FAM174B: variants seen among roughly 807,000 people sequenced by gnomAD.
FAM174B encodes membrane protein FAM174B.
Under a neutral mutation model 10.9 loss-of-function variants are expected in FAM174B, and 12 were observed. The ratio of observed to expected loss-of-function variants is 1.10; its 90% confidence interval spans 0.71 to 1.79. FAM174B has a LOEUF of 1.79. Ranked by LOEUF, FAM174B falls within the 40% of genes most tolerant of loss-of-function variation. FAM174B has a pLI of 0.00. For synonymous variants in FAM174B, 132 were observed against 115.8 expected (o/e 1.14, Z -0.90); for missense variants, 266 against 233.3 (o/e 1.14, Z -0.91).
chr15:92,646,476 C>A (rs1355010084), intron 1 of FAM174B, among the ~76,000 whole-genome samples: 2 of 152,190 alleles, frequency 1.3e-5, no homozygotes, highest in African/African-American at 2.4e-5. Context: ...AGCCCCCCAA[C>A]CATCTGAATG....
At position 92,655,629 on chromosome 15, in the gene FAM174B, G is replaced by A; in HGVS notation, c.31C>T (p.Leu11=). ...AGGAGCGCGAGCAGCAGCAGCGGCA[G>A]GAGCGGGGCGGGCAGCGGCACGGCG... MRAVPLPAPL[L]PLLLLALLAA... The change falls in exon 1 of 3, where the codon CTG becomes TTG. Residue 11 remains leucine, a synonymous_variant. Coordinates refer to ENST00000327355, the MANE Select transcript of FAM174B (RefSeq NM_207446.3). 7.9e-7 allele frequency: 1 copy of A among 1,259,872 alleles called. No individual in the cohort carries two copies. Among genetic ancestry groups the A allele is most frequent in the Non-Finnish European group, 9.9e-7 (1 of 1,007,324 alleles). 78.0% of individuals were successfully genotyped at this position (1,259,872 alleles called of 1,614,324 possible).
chr15:92,636,621 C>T (rs1016891996), intron 1 of FAM174B, among the ~76,000 whole-genome samples: 43 of 147,180 alleles, frequency 2.9e-4, no homozygotes, highest in Non-Finnish European at 6.0e-4. Context: ...AAATGTGCCG[C>T]GGAGATAGGC....
chr15:92,655,605 G>A lies in FAM174B; in HGVS notation c.55C>T (p.Leu19=). The change falls in exon 1 of 3, where the codon CTG becomes TTG. Residue 19 remains leucine, a synonymous_variant. Transcript: ENST00000327355. ...CTGGCGCGGGCGGCGGGAGCGGCCA[G>A]GAGCGCGAGCAGCAGCAGCGGCAGG... The part of the protein sequence containing the change: ...PLLPLLLLAL[L]AAPAARASRA... The A allele has an allele frequency of 7.8e-7, 1 of 1,279,626 alleles. No homozygotes were observed. The allele number at this position is 1,279,626 out of a possible 1,614,324, so 79.3% of individuals were successfully genotyped here. A position where few individuals can be genotyped will look rare whatever the true frequency, so the allele number is the denominator to read the frequency against.
Position 92,617,851 on chromosome 15 carries a change from G to A in FAM174B, c.*1605C>T, listed in dbSNP as rs2050689524. The A allele has an allele frequency of 1.0e-5, 5 of 476,302 alleles. No homozygotes were observed. Among genetic ancestry groups the A allele is most frequent in the South Asian group, 7.4e-5 (2 of 26,978 alleles). The allele number at this position is 476,302 out of a possible 1,614,324, so 29.5% of individuals were successfully genotyped here. ...CAACAAAGAAGGTGAAATGCAGGGA[G>A]CAGAGACTACACGCAGGCCCCCCGT... is the stretch of plus-strand genomic sequence containing the variant. On this transcript the variant is annotated 3_prime_UTR_variant, in exon 3 of 3. Transcript: ENST00000327355.
At chr15:92,652,813 G>A (rs2141966764) in intron 1 of FAM174B, among the ~76,000 whole-genome samples, 1 of 152,250 alleles carries the variant, frequency 6.6e-6, no homozygotes, top group South Asian at 2.1e-4. Context: ...TGCAGAGGGA[G>A]AAAGGAAGGA....
chr15:92,646,690 C>T (rs2050930214), intron 1 of FAM174B, among the ~76,000 whole-genome samples: 1 of 152,244 alleles, frequency 6.6e-6, no homozygotes, highest in Admixed American at 6.5e-5. Context: ...AAGCCTGCCA[C>T]CTGGAGGCTT....
chr15:92,630,113 T>C (rs2050780894), intron 2 of FAM174B, 101 bp downstream of exon 2: 2 of 1,258,076 alleles, frequency 1.6e-6, no homozygotes, highest in South Asian at 2.7e-5. Context: ...GACCCAACAC[T>C]TCACTAAAAA....
rs553142684 is a variant in FAM174B, at chr15:92,630,257, C to A, written c.433G>T (p.Asp145Tyr). 1 of 1,613,626 alleles carries A rather than the reference C, an allele frequency of 6.2e-7. No homozygotes were observed. The highest frequency in any genetic ancestry group is 1.1e-5 in the South Asian group (1 of 91,058). ...ACTGTGGAGTCCTCATCTTCATCAT[C>A]CTCTTCATTTAGTGGCGCCATTTCC... is the stretch of plus-strand genomic sequence containing the variant. ...RVEMAPLNEE[D>Y]DEDEDSTVFD... The change falls in exon 2 of 3, where the codon GAT becomes TAT. Residue 145 changes from aspartate to tyrosine, a missense_variant. Physicochemically the swap from Asp to Tyr is radical, Grantham distance 160. Transcript: ENST00000327355.
chr15:92,620,209 G>C (rs544196599), intron 2 of FAM174B, among the ~76,000 whole-genome samples: 2 of 152,312 alleles, frequency 1.3e-5, no homozygotes, highest in South Asian at 4.1e-4. Context: ...GAAAACATAA[G>C]AAGTACAAGA....
chr15:92,635,070 T>C (rs2050844563), intron 1 of FAM174B, among the ~76,000 whole-genome samples: 1 of 151,782 alleles, frequency 6.6e-6, no homozygotes, highest in African/African-American at 2.4e-5. Flanking sequence ...GCCTCCATAA[T>C]CACATCAGCT....
At chr15:92,634,632 C>T (rs2050841358) in intron 1 of FAM174B, 1 of 152,154 alleles carries the variant, frequency 6.6e-6, no homozygotes, top group Admixed American at 6.5e-5. Flanking sequence ...CAAGCAACCC[C>T]AGGAAATAAA....
chr15:92,643,745 C>T (rs1271237114), intron 1 of FAM174B, among the ~76,000 whole-genome samples: 1 of 152,144 alleles, frequency 6.6e-6, no homozygotes, highest in Non-Finnish European at 1.5e-5. Context: ...TCAAACCTTT[C>T]CTCCACCTGG....
intron 1 of FAM174B, among the ~76,000 whole-genome samples, chr15:92,638,429 A>G (rs2050869582): frequency 6.6e-6 from 1 of 152,206 alleles, no homozygotes; most frequent in African/African-American, 2.4e-5. Flanking sequence ...ACAAACAAGG[A>G]GGCCGAGGGA....
At chr15:92,634,055 G>C (rs780439866) in intron 1 of FAM174B, among the ~76,000 whole-genome samples, 10 of 152,202 alleles carry the variant, frequency 6.6e-5, no homozygotes, top group Non-Finnish European at 1.0e-4. Flanking sequence ...ACAAGTTGCG[G>C]CTGTCTGGGA....
intron 2 of FAM174B, among the ~76,000 whole-genome samples, chr15:92,627,589 C>T (rs2050761507): frequency 6.6e-6 from 1 of 152,204 alleles, no homozygotes; most frequent in Non-Finnish European, 1.5e-5. Context: ...GTCATATTTC[C>T]TTGTTTAGGG....
intron 1 of FAM174B, among the ~76,000 whole-genome samples, chr15:92,641,337 C>T (rs1212308267): frequency 2.0e-5 from 3 of 152,306 alleles, no homozygotes; most frequent in South Asian, 2.1e-4. Flanking sequence ...AAAGGTATAG[C>T]CCTTAGTCGG....
At chr15:92,642,026 AAAG>A (rs1172025150) in intron 1 of FAM174B, among the ~76,000 whole-genome samples, 9 of 152,370 alleles carry the variant, frequency 5.9e-5, no homozygotes, top group African/African-American at 2.2e-4. Flanking sequence ...ACAGTTCTCA[AAAG>A]AAGATTTACA....
At chr15:92,622,033 A>G (rs1474330030) in intron 2 of FAM174B, among the ~76,000 whole-genome samples, 2 of 152,204 alleles carry the variant, frequency 1.3e-5, no homozygotes, top group Non-Finnish European at 2.9e-5. Context: ...GCTGCGCCAG[A>G]GCAGATCTGG....
At chr15:92,641,879 C>T (rs899018546) in intron 1 of FAM174B, among the ~76,000 whole-genome samples, 1 of 152,130 alleles carries the variant, frequency 6.6e-6, no homozygotes, top group Non-Finnish European at 1.5e-5. Context: ...AAAAGACACC[C>T]CCATAGAATG....
Sources: gnomAD v4.1 joint callset for allele counts (sites outside exome capture counted in the v4.1 genomes callset) on GRCh38, gnomAD v4.1.1 for gene constraint, MANE v1.5 for transcripts, NCBI Gene and HGNC (gene_info 2026-07-23, HGNC 2026-07-21) for gene names.